Variants in GUF1 observed in about 807,000 individuals in gnomAD.
GUF1 encodes translation factor GUF1, mitochondrial.
A neutral mutation model predicts 82.4 loss-of-function variants in GUF1; 78 were observed. The observed-to-expected ratio is 0.95, with a 90% CI of 0.79 to 1.14. The LOEUF is 1.14. Among genes scored for constraint, GUF1 ranks in the 50% most tolerant of loss-of-function variants. The pLI is 0.00. For missense variants in GUF1, 814 were observed against 798.2 expected, an observed-to-expected ratio of 1.02 and a Z score of -0.24; for synonymous variants, 279 against 282.3, an observed-to-expected ratio of 0.99 and a Z score of 0.12.
chr4:44,697,867 C>T (rs188788668), intron 16 of GUF1, among the ~76,000 whole-genome samples: 23 of 152,140 alleles, frequency 1.5e-4, no homozygotes, highest in Admixed American at 1.5e-3. Context: ...ATTCTTGCAC[C>T]AGCTCGGTGG....
rs750191659 is a variant in GUF1, at chr4:44,678,643, G to A, written c.21G>A (p.Arg7=). 8.8e-6 allele frequency: 13 copies of A among 1,481,724 alleles called. No homozygotes were observed. The Middle Eastern group carries it at 8.6e-4, about 98-fold the overall frequency. 91.8% of individuals were successfully genotyped at this position (1,481,724 alleles called of 1,614,324 possible). ...GGGTCATGTGGACCCTCGTGGGTCG[G>A]GGCTGGGGGTGCGCACGCGCTCTCG... The part of the protein sequence containing the change: MWTLVG[R]GWGCARALAP... Residue 7 remains arginine (R), a synonymous_variant, in exon 1 of 17, where the codon CGG becomes CGA. Transcript: ENST00000281543.
At chr4:44,681,015 A>G (rs972848742) in intron 3 of GUF1, 108 bp from the exon 4 acceptor site, 1 of 1,179,848 alleles carries the variant, frequency 8.5e-7, no homozygotes, top group African/African-American at 1.5e-5. Context: ...TACAAAAAAG[A>G]AACGAATATT....
rs199830456 is a variant in GUF1, at chr4:44,695,602, T to G, written c.1716-13T>G. ...ATTTAGGATATATAAACAGTTGTAT[T>G]TTTCTGTCTCAGAGACAAAGCTCAT... On this transcript the variant is annotated splice_polypyrimidine_tract_variant and intron_variant, in intron 14 of 16. Coordinates refer to ENST00000281543, the MANE Select transcript of GUF1 (RefSeq NM_021927.3). 9.4e-6 allele frequency: 15 copies of G among 1,600,682 alleles called. No individual in the cohort carries two copies. The highest frequency in any genetic ancestry group is 1.3e-5 in the Non-Finnish European group (15 of 1,174,740).
chr4:44,685,871 TCC>T, intron 6 of GUF1, 86 bp from the exon 7 acceptor site: 6 of 824,528 alleles, frequency 7.3e-6, no homozygotes, highest in Non-Finnish European at 5.9e-6. Context: ...AATTTTTTTT[TCC>T]TTCTGATCAT....
intron 1 of GUF1, among the ~76,000 whole-genome samples, chr4:44,679,506 A>G (rs1714641308): frequency 6.6e-6 from 1 of 152,176 alleles, no homozygotes; most frequent in Non-Finnish European, 1.5e-5. Context: ...TGGCCCTAAT[A>G]TGCCTGTGTT....
rs370269156 is a variant in GUF1 at position 44,698,590 on chromosome 4, C to A, written c.1919C>A (p.Ala640Glu). ...TRKMKLLKRQ[A>E]EGKKKLRKIG... is the part of the protein sequence containing the mutation. ...AAAATGAAGCTTTTGAAGAGACAAG[C>A]AGAAGGGAAAAAAAAGCTGAGGAAA... Residue 640 changes from alanine to glutamate, a missense_variant, in exon 17 of 17, where the codon GCA becomes GAA. Ala to Glu is a moderately radical substitution (Grantham distance 107). Coordinates refer to ENST00000281543, the MANE Select transcript of GUF1 (RefSeq NM_021927.3). 1.9e-6 allele frequency: 3 copies of A among 1,607,190 alleles called. No individual in the cohort carries two copies.
At chr4:44,697,344 T>C in intron 15 of GUF1, 64 bp from the exon 16 acceptor site, 1 of 946,726 alleles carries the variant, frequency 1.1e-6, no homozygotes, top group Non-Finnish European at 1.6e-6. Flanking sequence ...TTGTTTTTGG[T>C]AAGGAAGTGC....
rs1715030750 is a variant in GUF1, at chr4:44,686,089, A to G, written c.734+66A>G. On this transcript the variant is annotated intron_variant, in intron 7 of 16. Coordinates refer to ENST00000281543, the MANE Select transcript of GUF1 (RefSeq NM_021927.3). Reference sequence around the variant, plus strand: ...ATAGTTCAAAAACTGTCCATGTTTAATAGTTCAAAGACTGTCAGCTTGAAC... The same window carrying G: ...ATAGTTCAAAAACTGTCCATGTTTAGTAGTTCAAAGACTGTCAGCTTGAAC... 7 of 1,079,922 alleles carry G rather than the reference A, an allele frequency of 6.5e-6. 1 individual carries two copies. The East Asian group carries it at 1.4e-4, about 22-fold the overall frequency. The allele number at this position is 1,079,922 out of a possible 1,614,324, so 66.9% of individuals were successfully genotyped here.
chr4:44,694,913 TCTC>T (rs1577780917), intron 14 of GUF1, among the ~76,000 whole-genome samples: 1 of 152,022 alleles, frequency 6.6e-6, no homozygotes, highest in South Asian at 2.1e-4. Context: ...TTCAAGCAAT[TCTC>T]CTGCCTCAGC....
At chr4:44,690,683 G>A (rs1242733528) in intron 11 of GUF1, 34 bp from the exon 12 acceptor site, 3 of 1,281,574 alleles carry the variant, frequency 2.3e-6, no homozygotes, top group Non-Finnish European at 2.2e-6. Flanking sequence ...ATTATATTAA[G>A]ATTTTAAGTA....
At position 44,700,797 on chromosome 4, in the gene GUF1, G is replaced by A. The variant is rs956710083; in HGVS notation, c.*2116G>A. On this transcript the variant is annotated 3_prime_UTR_variant, in exon 17 of 17. Coordinates refer to ENST00000281543, the MANE Select transcript of GUF1 (RefSeq NM_021927.3). Reference sequence around the variant, plus strand: ...AGAAGTAGCCTGTGATATAGTCCTAGATACATACATTATCATCTTATGTAT... The same window carrying A: ...AGAAGTAGCCTGTGATATAGTCCTAAATACATACATTATCATCTTATGTAT... 3 of 152,122 alleles carry A rather than the reference G, an allele frequency of 2.0e-5. No individual in the cohort carries two copies. Among genetic ancestry groups the A allele is most frequent in the African/African-American group, 7.2e-5 (3 of 41,418 alleles). The allele number at this position is 152,122 out of a possible 1,614,324, so 9.4% of individuals were successfully genotyped here. A position where few individuals can be genotyped will look rare whatever the true frequency, so the allele number is the denominator to read the frequency against.
At position 44,678,684 on chromosome 4, in the gene GUF1, G is replaced by T; in HGVS notation, c.62G>T (p.Gly21Val). 6.7e-7 allele frequency: 1 copy of T among 1,502,148 alleles called. No individual in the cohort carries two copies. The highest frequency in any genetic ancestry group is 2.7e-5 in the East Asian group (1 of 36,912). 93.1% of individuals were successfully genotyped at this position (1,502,148 alleles called of 1,614,324 possible). The change falls in exon 1 of 17, where the codon GGG becomes GTG. Residue 21 changes from glycine to valine, a missense_variant. Transcript: ENST00000281543. The stretch of plus-strand genomic sequence containing the variant: ...CGCGCTCTCGCGCCACGAGCCACTG[G>T]GGCCGCGCTTCTGGTGGCCCCGGGG... ...CARALAPRAT[G>V]AALLVAPGPR...
In GUF1 at chr4:44,689,373, A is replaced by T. The variant is rs570662236; in HGVS notation, c.1166A>T (p.His389Leu). ...TTAAATGATTCCAGTGTGACCGTTC[A>T]TCGGGATAGTAGCCTTGCTCTGGGT... is the stretch of plus-strand genomic sequence containing the variant. ...LTLNDSSVTV[H>L]RDSSLALGAG... The change falls in exon 10 of 17, where the codon CAT becomes CTT. Residue 389 changes from histidine (H) to leucine (L), a missense_variant. Coordinates refer to ENST00000281543, the MANE Select transcript of GUF1 (RefSeq NM_021927.3). 6.2e-7 allele frequency: 1 copy of T among 1,609,920 alleles called. No homozygotes were observed. The highest frequency in any genetic ancestry group is 1.7e-5 in the Admixed American group (1 of 59,698).
chr4:44,691,044 A>G (rs1309393257), intron 12 of GUF1, among the ~76,000 whole-genome samples, 184 bp downstream of exon 12: 1 of 151,650 alleles, frequency 6.6e-6, no homozygotes, highest in Non-Finnish European at 1.5e-5. Context: ...TTGATTTTAA[A>G]TAAAAATATT....
At chr4:44,694,356 T>A (rs1332217905) in intron 13 of GUF1, 56 bp from the exon 14 acceptor site, 2 of 1,004,518 alleles carry the variant, frequency 2.0e-6, no homozygotes, top group East Asian at 4.8e-5. Context: ...TAAAGAGTAA[T>A]AAAGGTAATC....
At chr4:44,690,231 A>G (rs191681695) in intron 11 of GUF1, among the ~76,000 whole-genome samples, 5 of 151,994 alleles carry the variant, frequency 3.3e-5, no homozygotes, top group African/African-American at 9.6e-5. Flanking sequence ...AAACTAGTCT[A>G]TTGCTGATAG....
chr4:44,697,906 A>T (rs1397300266), intron 16 of GUF1, among the ~76,000 whole-genome samples: 1 of 152,140 alleles, frequency 6.6e-6, no homozygotes, highest in African/African-American at 2.4e-5. Flanking sequence ...GCACCTTGGG[A>T]GGCCAAGATG....
rs772295076 is a variant in GUF1, at chr4:44,689,337, A to G, written c.1130A>G (p.Glu377Gly). 6.2e-7 allele frequency: 1 copy of G among 1,610,808 alleles called. No homozygotes were observed. Among genetic ancestry groups the G allele is most frequent in the Non-Finnish European group, 8.5e-7 (1 of 1,177,806 alleles). Reference sequence around the variant, plus strand: ...TATAACAATCTGAAGAGTGCTATAGAAAAACTGACTTTAAATGATTCCAGT... The same window carrying G: ...TATAACAATCTGAAGAGTGCTATAGGAAAACTGACTTTAAATGATTCCAGT... ...SEYNNLKSAI[E>G]KLTLNDSSVT... The change falls in exon 10 of 17, where the codon GAA (glutamate) becomes GGA (glycine). Residue 377 changes from glutamate to glycine, a missense_variant. By Grantham distance (98) the Glu-to-Gly change is moderately conservative. Transcript: ENST00000281543.
At chr4:44,684,303 G>A (rs1417144551) in intron 6 of GUF1, among the ~76,000 whole-genome samples, 2 of 152,066 alleles carry the variant, frequency 1.3e-5, no homozygotes, top group Non-Finnish European at 2.9e-5. Context: ...ACTGAAACGT[G>A]GAGGAATGAA....
Sources: gnomAD v4.1 joint callset for allele counts (sites outside exome capture counted in the v4.1 genomes callset) on GRCh38, gnomAD v4.1.1 for gene constraint, MANE v1.5 for transcripts, NCBI Gene and HGNC (gene_info 2026-07-23, HGNC 2026-07-21) for gene names.